DOP1B: variants seen among roughly 807,000 people sequenced by gnomAD.
The protein encoded by DOP1B is DOP1 leucine zipper like protein B.
Under a neutral mutation model 233.5 loss-of-function variants are expected in DOP1B, and 174 were observed. The observed-to-expected ratio is 0.75, with a 90% CI of 0.66 to 0.85. DOP1B has a LOEUF of 0.85. Ranked by LOEUF, DOP1B falls within the 40% of genes least tolerant of loss-of-function variation. DOP1B has a pLI of 0.00. For missense variants in DOP1B, 2,652 were observed against 2,846.6 expected (o/e 0.93, Z 1.56); for synonymous variants, 1,190 against 1,185.6 (o/e 1.00, Z -0.08).
rs775208197 is a variant in DOP1B, at chr21:36,253,912, G to A, written c.5259+3G>A. On this transcript the variant is annotated splice_donor_region_variant and intron_variant, in intron 23 of 36. Coordinates refer to ENST00000691173, the MANE Select transcript of DOP1B (RefSeq NM_001320714.2). ...CCCAAGTCAAAGGGGGTGATGAGGT[G>A]AGGAGCCTGGGGAAGCCTCTGGGCT... 29 of 1,613,224 alleles carry A rather than the reference G, an allele frequency of 1.8e-5. No individual in the cohort carries two copies. Among genetic ancestry groups the A allele is most frequent in the African/African-American group, 1.7e-4 (13 of 74,900 alleles).
At position 36,187,047 on chromosome 21, in the gene DOP1B, C is replaced by T. The variant is rs1407244934; in HGVS notation, c.139-12023C>T. Among the ~76,000 whole-genome samples, 7 of 152,062 alleles carry T rather than the reference C, an allele frequency of 4.6e-5. No individual in the cohort carries two copies. The South Asian group carries it at 1.0e-3, about 23-fold the overall frequency. ...TGGGTAAACTGATAAAAATGAGCTT[C>T]TGAACCTGCCAAGGTGCCAGGGCTC... On this transcript the variant is annotated intron_variant, in intron 2 of 36. Transcript: ENST00000691173.
intron 16 of DOP1B, among the ~76,000 whole-genome samples, chr21:36,237,634 T>G (rs1480436413): frequency 1.3e-5 from 2 of 152,230 alleles, no homozygotes; most frequent in Non-Finnish European, 2.9e-5. Flanking sequence ...TGTGACCATA[T>G]TGAGGCTCAC....
At chr21:36,210,383 G>A (rs2123492964) in intron 5 of DOP1B, among the ~76,000 whole-genome samples, 1 of 152,148 alleles carries the variant, frequency 6.6e-6, no homozygotes, top group South Asian at 2.1e-4. Context: ...AGTGGCTCAT[G>A]CCTGTAATCT....
intron 14 of DOP1B, among the ~76,000 whole-genome samples, chr21:36,231,760 C>T (rs2066768011): frequency 6.6e-6 from 1 of 150,972 alleles, no homozygotes; most frequent in Non-Finnish European, 1.5e-5. Flanking sequence ...TCACTGCAAC[C>T]TCCGCCTCCT....
At position 36,248,477 on chromosome 21, in the gene DOP1B, A is replaced by G; in HGVS notation, c.4907A>G (p.Asn1636Ser). 1 of 1,614,172 alleles carries G rather than the reference A, an allele frequency of 6.2e-7. No homozygotes were observed. Among genetic ancestry groups the G allele is most frequent in the Non-Finnish European group, 8.5e-7 (1 of 1,180,026 alleles). Reference sequence around the variant, plus strand: ...GTTAACACCATGGCCCTTCTCTGGAATGTTCTCAGAAAGGAGGAGACTCAA... The same window carrying G: ...GTTAACACCATGGCCCTTCTCTGGAGTGTTCTCAGAAAGGAGGAGACTCAA... ...RTVNTMALLW[N>S]VLRKEETQKR... is the part of the protein sequence containing the mutation. Residue 1636 changes from asparagine (N) to serine (S), a missense_variant, in exon 21 of 37, where the codon AAT becomes AGT. Coordinates refer to ENST00000691173, the MANE Select transcript of DOP1B (RefSeq NM_001320714.2).
In DOP1B at chr21:36,245,782, G is replaced by A; in HGVS notation, c.3802G>A (p.Asp1268Asn). The change falls in exon 19 of 37, where the codon GAT becomes AAT. Residue 1268 changes from aspartate to asparagine, a missense_variant. By Grantham distance (23) the Asp-to-Asn change is conservative. Transcript: ENST00000691173. The surrounding 1 kb of genome is among the most constrained non-coding windows in gnomAD (Gnocchi z 5.5). Reference sequence around the variant, plus strand: ...CGAGGCTGTGTCCAGGACTAGCATGGATACCAGCTCCACCGCGCACCTCAA... The same window carrying A: ...CGAGGCTGTGTCCAGGACTAGCATGAATACCAGCTCCACCGCGCACCTCAA... ...FIEAVSRTSM[D>N]TSSTAHLNLI... is the part of the protein sequence containing the mutation. 1 of 1,613,956 alleles carries A rather than the reference G, an allele frequency of 6.2e-7. No homozygotes were observed.
intron 2 of DOP1B, among the ~76,000 whole-genome samples, chr21:36,175,411 C>G (rs116980085): frequency 6.6e-6 from 1 of 152,026 alleles, no homozygotes; most frequent in African/African-American, 2.4e-5. Flanking sequence ...ACGCCTGGCC[C>G]AGATTTCCTC....
At chr21:36,248,667 C>T (rs1442877917) in intron 21 of DOP1B, 99 bp downstream of exon 21, 1 of 1,169,604 alleles carries the variant, frequency 8.5e-7, no homozygotes, top group Non-Finnish European at 1.1e-6. Flanking sequence ...AACAGATGTG[C>T]TCAATGAAAC....
chr21:36,244,403 G>A (rs2066930026), intron 18 of DOP1B, among the ~76,000 whole-genome samples: 1 of 151,964 alleles, frequency 6.6e-6, no homozygotes, highest in Non-Finnish European at 1.5e-5. Context: ...GTCTTCTGCT[G>A]ACATTTCTGC....
intron 1 of DOP1B, among the ~76,000 whole-genome samples, chr21:36,157,394 A>G (rs2242806): frequency 0.83 from 125,927 of 152,120 alleles, 52,305 homozygotes; most frequent in Non-Finnish European, 0.87. Context: ...TGTGAGAACT[A>G]AGGGCTTTCC....
intron 3 of DOP1B, 43 bp from the exon 4 acceptor site, chr21:36,200,288 G>C: frequency 6.6e-7 from 1 of 1,521,916 alleles, no homozygotes; most frequent in Non-Finnish European, 8.8e-7. Flanking sequence ...CTTCTGACTG[G>C]GTATCTTATT....
At chr21:36,166,097 C>G (rs570634329) in intron 2 of DOP1B, among the ~76,000 whole-genome samples, 3 of 151,908 alleles carry the variant, frequency 2.0e-5, no homozygotes, top group Non-Finnish European at 4.4e-5. Context: ...TGAAACCAAC[C>G]ATGCGCCCTC....
In DOP1B at chr21:36,208,945, CAT is replaced by C. The variant is rs368854722; in HGVS notation, c.681+42_681+43del. 6.2e-4 allele frequency: 903 copies of C among 1,463,410 alleles called. 3 individuals are homozygous for C. In the African/African-American group the frequency reaches 0.011, roughly 17 times the overall value. The allele number at this position is 1,463,410 out of a possible 1,614,324, so 90.7% of individuals were successfully genotyped here. ...CTCACAGGGCATGGGGAGGAGGCGA[CAT>C]GTGGGCACAGCATCCTCATGGGCAG... On this transcript the variant is annotated intron_variant, in intron 5 of 36. Coordinates refer to ENST00000691173, the MANE Select transcript of DOP1B (RefSeq NM_001320714.2).
intron 4 of DOP1B, among the ~76,000 whole-genome samples, chr21:36,205,692 T>G (rs1039331854): frequency 1.6e-4 from 24 of 151,802 alleles, no homozygotes; most frequent in Admixed American, 1.4e-3. Context: ...CTGGCCCGTT[T>G]GTTGGTTTTG....
chr21:36,277,211 A>T, intron 28 of DOP1B, 111 bp downstream of exon 28: 1 of 1,047,738 alleles, frequency 9.5e-7, no homozygotes, highest in South Asian at 1.5e-5. Flanking sequence ...GCACCCTCCC[A>T]GGTGAGCTCG....
At chr21:36,284,408 T>C (rs577802391) in intron 32 of DOP1B, among the ~76,000 whole-genome samples, 14 of 151,808 alleles carry the variant, frequency 9.2e-5, no homozygotes, top group Non-Finnish European at 1.8e-4. Flanking sequence ...GTAGCTGAGA[T>C]TACAGGCACA....
intron 23 of DOP1B, among the ~76,000 whole-genome samples, chr21:36,254,741 C>G (rs909005992): frequency 1.6e-4 from 7 of 44,386 alleles, no homozygotes; most frequent in African/African-American, 7.9e-4. Context: ...CTCGCAGGAA[C>G]AAACAGTAAA....
Position 36,263,780 on chromosome 21 carries a change from A to G in DOP1B, c.5453A>G (p.Asn1818Ser). ...MLNDFVTRTP[N>S]LENKKDQKDL... The stretch of plus-strand genomic sequence containing the variant: ...AATGACTTTGTAACAAGAACTCCCA[A>G]CCTGGAAAACAAGAAGGACCAAAAA... The change falls in exon 26 of 37, where the codon AAC becomes AGC. Residue 1818 changes from asparagine (N) to serine (S), a missense_variant. Physicochemically the swap from Asn to Ser is conservative, Grantham distance 46. Coordinates refer to ENST00000691173, the MANE Select transcript of DOP1B (RefSeq NM_001320714.2). 1 of 1,614,190 alleles carries G rather than the reference A, an allele frequency of 6.2e-7. No individual in the cohort carries two copies. The highest frequency in any genetic ancestry group is 8.5e-7 in the Non-Finnish European group (1 of 1,180,044).
At chr21:36,252,544 A>G (rs1002348370) in intron 22 of DOP1B, among the ~76,000 whole-genome samples, 1 of 151,242 alleles carries the variant, frequency 6.6e-6, no homozygotes, top group Non-Finnish European at 1.5e-5. Context: ...CCCAAAGATA[A>G]TTTCTTTTTT....
Sources: gnomAD v4.1 joint callset for allele counts (sites outside exome capture counted in the v4.1 genomes callset) on GRCh38, gnomAD v4.1.1 for gene constraint, Gnocchi (gnomAD v3.1) non-coding constraint, MANE v1.5 for transcripts, NCBI Gene and HGNC (gene_info 2026-07-23, HGNC 2026-07-21) for gene names.